The following NUDT5 variants were observed in gnomAD, a reference collection of about 807,000 sequenced individuals.
The protein encoded by NUDT5 is nudix hydrolase 5.
NUDT5 carries 21 observed loss-of-function variants against 34.1 expected under a neutral mutation model. The observed-to-expected ratio is 0.62, with a 90% confidence interval of 0.44 to 0.89. The LOEUF (loss-of-function observed/expected upper bound fraction) is 0.89, where lower values mean the gene tolerates loss of function less well. Ranked by LOEUF, NUDT5 falls within the 40% of genes least tolerant of loss-of-function variation. NUDT5 has a pLI of 0.00. For missense variants in NUDT5, 249 were observed against 274.8 expected (o/e 0.91, Z 0.66); for synonymous variants, 85 against 97.6 (o/e 0.87, Z 0.76).
intron 1 of NUDT5, among the ~76,000 whole-genome samples, chr10:12,192,088 G>C (rs745832376): frequency 6.6e-6 from 1 of 152,136 alleles, no homozygotes; most frequent in African/African-American, 2.4e-5. Context: ...CAAGATGCAG[G>C]AGCCCACATC....
chr10:12,176,247 T>C (rs567894573), intron 5 of NUDT5, among the ~76,000 whole-genome samples: 1 of 151,112 alleles, frequency 6.6e-6, no homozygotes, highest in East Asian at 2.0e-4. Context: ...TTCAGTAAAA[T>C]GGTGAGGAAA....
rs1370345162 is a variant in NUDT5, at chr10:12,168,167, G to A, written c.551-356C>T. 6.6e-6 allele frequency among the ~76,000 whole-genome samples: 1 copy of A among 152,062 alleles called. No individual in the cohort carries two copies. Among genetic ancestry groups the A allele is most frequent in the Non-Finnish European group, 1.5e-5 (1 of 68,018 alleles). On this transcript the variant is annotated intron_variant, in intron 9 of 9. Transcript: ENST00000491614. The surrounding 1 kb of genome is among the most constrained non-coding windows in gnomAD (Gnocchi z 4.8). ...AGCCTCCCCAGTAGCTGGGACTATA[G>A]GCGCACGCCACCACGCCCAGCTAAT...
chr10:12,165,460 T>C lies in NUDT5; in HGVS notation c.*2242A>G. The C allele has an allele frequency of 4.5e-6, 3 of 661,956 alleles. No homozygotes were observed. Among genetic ancestry groups the C allele is most frequent in the Non-Finnish European group, 5.6e-6 (3 of 534,866 alleles). The allele number at this position is 661,956 out of a possible 1,614,324, so 41.0% of individuals were successfully genotyped here. The stretch of plus-strand genomic sequence containing the variant: ...CAGTGTATTCATAAGAAGTCCACCC[T>C]GAGATGCCTGTAAAAGTCAAATGTA... On this transcript the variant is annotated 3_prime_UTR_variant, in exon 10 of 10. Transcript: ENST00000491614.
Position 12,170,262 on chromosome 10 carries a change from A to G in NUDT5, c.550+455T>C. On this transcript the variant is annotated intron_variant, in intron 9 of 9. Transcript: ENST00000491614. The surrounding 1 kb of genome is among the most constrained non-coding windows in gnomAD (Gnocchi z 4.9). The stretch of plus-strand genomic sequence containing the variant: ...ATTATGTGAAAAGCATATCACACGG[A>G]GTATACAGGAAATACCTCAAGTATT... 2 of 1,432,332 alleles carry G rather than the reference A, an allele frequency of 1.4e-6. No individual in the cohort carries two copies. The highest frequency in any genetic ancestry group is 2.0e-6 in the Non-Finnish European group (2 of 1,018,774). The allele number at this position is 1,432,332 out of a possible 1,614,324, so 88.7% of individuals were successfully genotyped here. A position where few individuals can be genotyped will look rare whatever the true frequency, so the allele number is the denominator to read the frequency against.
At chr10:12,186,358 G>T in intron 1 of NUDT5, 26 bp from the exon 2 acceptor site, 1 of 1,219,370 alleles carries the variant, frequency 8.2e-7, no homozygotes, top group Non-Finnish European at 1.2e-6. Flanking sequence ...ATTTGTTCAG[G>T]CTAAAATTAT....
intron 1 of NUDT5, among the ~76,000 whole-genome samples, chr10:12,189,689 C>T (rs1172690880): frequency 6.6e-6 from 1 of 152,190 alleles, no homozygotes; most frequent in East Asian, 1.9e-4. Context: ...GAGAAATGAG[C>T]TTTAAATTCC....
In NUDT5 at chr10:12,193,971, G is replaced by A. The variant is rs187360801; in HGVS notation, c.-42+1799C>T. On this transcript the variant is annotated intron_variant, in intron 1 of 9. Coordinates refer to ENST00000491614, the MANE Select transcript of NUDT5 (RefSeq NM_014142.4). ...GGCTCATCGCAACCTCCGCCTCCCG[G>A]ATTCAAGCGATTCTCCTGCCTCAGC... 8.3e-3 allele frequency among the ~76,000 whole-genome samples: 1,269 copies of A among 152,164 alleles called. 11 individuals carry two copies. Among genetic ancestry groups the A allele is most frequent in the Admixed American group, 0.018 (269 of 15,286 alleles).
intron 1 of NUDT5, among the ~76,000 whole-genome samples, chr10:12,188,087 C>T (rs1223010615): frequency 2.0e-5 from 3 of 151,038 alleles, no homozygotes; most frequent in African/African-American, 7.3e-5. Context: ...TGCAGAGAGC[C>T]GAGATCACGC....
At chr10:12,191,359 G>C (rs1395164951) in intron 1 of NUDT5, among the ~76,000 whole-genome samples, 3 of 152,062 alleles carry the variant, frequency 2.0e-5, no homozygotes, top group Non-Finnish European at 4.4e-5. Flanking sequence ...CTCCAGCCTA[G>C]GCGACAGAGC....
rs1406258169 is a variant in NUDT5, at chr10:12,171,695, A to T, written c.488-787T>A. Among the ~76,000 whole-genome samples, 2 of 122,668 alleles carry T rather than the reference A, an allele frequency of 1.6e-5. No individual in the cohort carries two copies. Among genetic ancestry groups the T allele is most frequent in the Middle Eastern group, 4.0e-3 (1 of 250 alleles). The allele number at this position is 122,668 out of a possible 152,430, so 80.5% of individuals were successfully genotyped here. A position where few individuals can be genotyped will look rare whatever the true frequency, so the allele number is the denominator to read the frequency against. ...TCAAAAATTAAGATTTATTTTATTT[A>T]TTTATTTATTTATTTATTTATTTAT... On this transcript the variant is annotated intron_variant, in intron 7 of 9. Coordinates refer to ENST00000491614, the MANE Select transcript of NUDT5 (RefSeq NM_014142.4). This position sits in a 1 kb window ranked among gnomAD's most constrained non-coding sequence, Gnocchi z 4.2.
At chr10:12,185,029 C>A in intron 2 of NUDT5, 73 bp from the exon 3 acceptor site, 1 of 773,800 alleles carries the variant, frequency 1.3e-6, no homozygotes, top group African/African-American at 1.7e-5. Context: ...GTTTTTCTTT[C>A]ACATTTCCTC....
chr10:12,184,343 G>A (rs1835091194), intron 3 of NUDT5: 2 of 599,900 alleles, frequency 3.3e-6, no homozygotes, highest in Admixed American at 3.7e-5. Context: ...TTACAGGCGT[G>A]AGCCAACACA....
chr10:12,167,879 G>A (rs1278168890), intron 9 of NUDT5, 68 bp from the exon 10 acceptor site: 3 of 1,598,108 alleles, frequency 1.9e-6, no homozygotes, highest in East Asian at 4.5e-5. Flanking sequence ...TATTCAATCA[G>A]TGTTTGCGCA....
Position 12,169,591 on chromosome 10 carries a change from T to C in NUDT5, c.550+1126A>G, listed in dbSNP as rs9633765. The C allele has an allele frequency of 0.43, 144,137 of 336,828 alleles. 31,385 individuals carry two copies. The highest frequency in any genetic ancestry group is 0.52 in the East Asian group (9,576 of 18,306). The allele number at this position is 336,828 out of a possible 1,614,324, so 20.9% of individuals were successfully genotyped here. On this transcript the variant is annotated intron_variant, in intron 9 of 9. Transcript: ENST00000491614. This position sits in a 1 kb window ranked among gnomAD's most constrained non-coding sequence, Gnocchi z 4.8. ...AAACTATTGTATCTATTCAGTATGATTGTTCTAACTCTGGCTTTGAGCTGT... is the reference window on the plus strand; with the variant it reads ...AAACTATTGTATCTATTCAGTATGACTGTTCTAACTCTGGCTTTGAGCTGT...
At chr10:12,193,902 G>C (rs1835281934) in intron 1 of NUDT5, among the ~76,000 whole-genome samples, 1 of 146,702 alleles carries the variant, frequency 6.8e-6, no homozygotes, top group Non-Finnish European at 1.5e-5. Context: ...GGAAAAAAAA[G>C]AGTCTCGCTC....
At position 12,168,373 on chromosome 10, in the gene NUDT5, A is replaced by T. The variant is rs1192700136; in HGVS notation, c.551-562T>A. On this transcript the variant is annotated intron_variant, in intron 9 of 9. Transcript: ENST00000491614. The surrounding 1 kb of genome is among the most constrained non-coding windows in gnomAD (Gnocchi z 4.8). ...AGCAAAGTTGGAAGTGTATAGAGCC[A>T]ATCGCTATACCTCATTTATAGCTGG... Among the ~76,000 whole-genome samples the T allele has an allele frequency of 6.6e-6, 1 of 152,186 alleles. No individual in the cohort carries two copies. The highest frequency in any genetic ancestry group is 1.9e-4 in the East Asian group (1 of 5,194).
rs542573688 is a variant in NUDT5, at chr10:12,171,498, T to G, written c.488-590A>C. ...TTCATCTGCTGGCAGACACCTGGGT[T>G]GTTTCCACAGAGGCGGCCATGAACA... On this transcript the variant is annotated intron_variant, in intron 7 of 9. Coordinates refer to ENST00000491614, the MANE Select transcript of NUDT5 (RefSeq NM_014142.4). The surrounding 1 kb of genome is among the most constrained non-coding windows in gnomAD (Gnocchi z 4.2). Among the ~76,000 whole-genome samples the G allele has an allele frequency of 1.3e-5, 2 of 152,294 alleles. No homozygotes were observed. Among genetic ancestry groups the G allele is most frequent in the African/African-American group, 2.4e-5 (1 of 41,554 alleles).
chr10:12,178,478 TGAA>T, intron 4 of NUDT5, among the ~76,000 whole-genome samples: 1 of 152,316 alleles, frequency 6.6e-6, no homozygotes, highest in South Asian at 2.1e-4. Context: ...TTCCTATCTG[TGAA>T]GCCAGCAGCA....
At position 12,182,105 on chromosome 10, in the gene NUDT5, G is replaced by T. The variant is rs1048347816; in HGVS notation, c.131+2784C>A. 6.6e-6 allele frequency among the ~76,000 whole-genome samples: 1 copy of T among 151,658 alleles called. No individual in the cohort carries two copies. Among genetic ancestry groups the T allele is most frequent in the African/African-American group, 2.4e-5 (1 of 41,226 alleles). On this transcript the variant is annotated intron_variant, in intron 3 of 9. Transcript: ENST00000491614. This position sits in a 1 kb window ranked among gnomAD's most constrained non-coding sequence, Gnocchi z 4.3. ...GACCACACCATTGCACTCTAGCCTGGGCAACAGAACAAGACTCTGTCTCAG... is the reference window on the plus strand; with the variant it reads ...GACCACACCATTGCACTCTAGCCTGTGCAACAGAACAAGACTCTGTCTCAG...
Sources: gnomAD v4.1 joint callset for allele counts (sites outside exome capture counted in the v4.1 genomes callset) on GRCh38, gnomAD v4.1.1 for gene constraint, Gnocchi (gnomAD v3.1) non-coding constraint, MANE v1.5 for transcripts, NCBI Gene and HGNC (gene_info 2026-07-23, HGNC 2026-07-21) for gene names.